The following FAF1 variants were observed in gnomAD, a reference collection of about 807,000 sequenced individuals.
FAF1 encodes Fas associated factor 1.
A neutral mutation model predicts 92.5 loss-of-function variants in FAF1; 25 were observed. The ratio of observed to expected loss-of-function variants is 0.27; its 90% CI spans 0.20 to 0.38. The LOEUF (loss-of-function observed/expected upper bound fraction) is 0.38. Ranked by LOEUF, FAF1 falls within the 10% of genes least tolerant of loss-of-function variation. The pLI is 1.00. For synonymous variants in FAF1, 234 were observed against 273.2 expected (o/e 0.86, Z 1.42); for missense variants, 636 against 793.3 (o/e 0.80, Z 2.38).
intron 18 of FAF1, among the ~76,000 whole-genome samples, chr1:50,474,202 A>G (rs949816924): frequency 6.6e-6 from 1 of 152,108 alleles, no homozygotes; most frequent in Non-Finnish European, 1.5e-5. Context: ...AAAAAATCAG[A>G]TCCCTCTTTT....
At position 50,649,281 on chromosome 1, in the gene FAF1, T is replaced by C. The variant is rs1464820436; in HGVS notation, c.744+6161A>G. On this transcript the variant is annotated intron_variant, in intron 8 of 18. Transcript: ENST00000396153. Reference sequence around the variant, plus strand: ...AATTCTCTTGCCTCAGCCTCACAAGTAGCTGGGATTACAGGCATGCGCCAC... The same window carrying C: ...AATTCTCTTGCCTCAGCCTCACAAGCAGCTGGGATTACAGGCATGCGCCAC... Among the ~76,000 whole-genome samples the C allele has an allele frequency of 4.6e-5, 7 of 152,054 alleles. No individual in the cohort carries two copies. The East Asian group carries it at 1.4e-3, about 30-fold the overall frequency.
Position 50,565,963 on chromosome 1 carries a change from C to T in FAF1, c.1268+1114G>A, listed in dbSNP as rs1415381386. Among the ~76,000 whole-genome samples the T allele has an allele frequency of 2.6e-5, 4 of 152,074 alleles. No homozygotes were observed. The East Asian group carries it at 7.7e-4, about 29-fold the overall frequency. On this transcript the variant is annotated intron_variant, in intron 13 of 18. Coordinates refer to ENST00000396153, the MANE Select transcript of FAF1 (RefSeq NM_007051.3). ...TTTATCTGTTTTTGGCACTGCTTTT[C>T]ATCACCTTTAACTGAGTGTGAATAA... is the stretch of plus-strand genomic sequence containing the variant.
At chr1:50,543,830 C>G (rs185887812) in intron 13 of FAF1, among the ~76,000 whole-genome samples, 2 of 151,956 alleles carry the variant, frequency 1.3e-5, no homozygotes, top group African/African-American at 4.8e-5. Flanking sequence ...ATTATAGATG[C>G]TGCATTTGTA....
chr1:50,535,848 TC>T (rs750109589), intron 14 of FAF1, among the ~76,000 whole-genome samples: 1 of 152,200 alleles, frequency 6.6e-6, no homozygotes, highest in Admixed American at 6.5e-5. Flanking sequence ...TTTTATACCA[TC>T]TCATTTAATC....
intron 1 of FAF1, among the ~76,000 whole-genome samples, chr1:50,876,511 A>G (rs1324982728): frequency 6.6e-6 from 1 of 152,220 alleles, no homozygotes; most frequent in Non-Finnish European, 1.5e-5. Context: ...AATGATGGGG[A>G]TACGACAAAC....
At chr1:50,602,190 C>CA (rs1416409456) in intron 8 of FAF1, among the ~76,000 whole-genome samples, 2 of 152,180 alleles carry the variant, frequency 1.3e-5, no homozygotes, top group African/African-American at 4.8e-5. Flanking sequence ...TTTATTCACT[C>CA]AGTTTGTAAA....
At chr1:50,739,353 T>C (rs1010027027) in intron 5 of FAF1, among the ~76,000 whole-genome samples, 2 of 151,986 alleles carry the variant, frequency 1.3e-5, no homozygotes, top group Middle Eastern at 3.2e-3. Flanking sequence ...CATATACATG[T>C]GTACATGTGT....
intron 15 of FAF1, among the ~76,000 whole-genome samples, chr1:50,517,075 T>G (rs1460356835): frequency 2.0e-5 from 3 of 152,182 alleles, no homozygotes; most frequent in Admixed American, 6.5e-5. Flanking sequence ...TACATTCATG[T>G]GCATGTAAGA....
At chr1:50,761,269 A>T (rs1263979044) in intron 4 of FAF1, among the ~76,000 whole-genome samples, 2 of 152,204 alleles carry the variant, frequency 1.3e-5, no homozygotes, top group Non-Finnish European at 2.9e-5. Context: ...ATAAGGAGGA[A>T]CTGGTACCAT....
intron 3 of FAF1, among the ~76,000 whole-genome samples, chr1:50,796,769 T>G (rs1354734969): frequency 6.6e-6 from 1 of 152,146 alleles, no homozygotes; most frequent in Non-Finnish European, 1.5e-5. Flanking sequence ...CAGTATCCCT[T>G]TTCTGATCTT....
intron 1 of FAF1, among the ~76,000 whole-genome samples, chr1:50,891,905 G>C (rs925448116): frequency 2.0e-5 from 3 of 152,202 alleles, no homozygotes; most frequent in African/African-American, 7.2e-5. Flanking sequence ...GGACATTTAA[G>C]TCTGCAGAGG....
chr1:50,579,938 T>C (rs1650917113), intron 12 of FAF1, among the ~76,000 whole-genome samples: 1 of 152,208 alleles, frequency 6.6e-6, no homozygotes, highest in Non-Finnish European at 1.5e-5. Context: ...TAGAGAATTA[T>C]CGTTAATTTT....
intron 18 of FAF1, among the ~76,000 whole-genome samples, chr1:50,445,716 G>T (rs1646220090): frequency 6.6e-6 from 1 of 152,132 alleles, no homozygotes; most frequent in Non-Finnish European, 1.5e-5. Context: ...GGGACTCCTT[G>T]GGGGAGAAGG....
chr1:50,597,087 G>A (rs1001505409), intron 8 of FAF1, among the ~76,000 whole-genome samples: 3 of 152,108 alleles, frequency 2.0e-5, no homozygotes, highest in East Asian at 1.9e-4. Flanking sequence ...TCTCCACAGC[G>A]TAGGGATAAT....
At chr1:50,827,726 T>C (rs1644115061) in intron 2 of FAF1, among the ~76,000 whole-genome samples, 1 of 152,106 alleles carries the variant, frequency 6.6e-6, no homozygotes, top group Non-Finnish European at 1.5e-5. Context: ...AAAGAATACC[T>C]AAATACGTAA....
chr1:50,548,630 A>C (rs918694967), intron 13 of FAF1, among the ~76,000 whole-genome samples: 9 of 152,240 alleles, frequency 5.9e-5, no homozygotes, highest in Admixed American at 1.3e-4. Flanking sequence ...TTGAACCCTC[A>C]AAATAAGCAG....
At chr1:50,650,248 C>A (rs957280164) in intron 8 of FAF1, among the ~76,000 whole-genome samples, 1 of 144,180 alleles carries the variant, frequency 6.9e-6, no homozygotes, top group South Asian at 2.2e-4. Flanking sequence ...CACACCATTG[C>A]ACTCCAGCCT....
At chr1:50,508,378 T>A (rs143795599) in intron 15 of FAF1, among the ~76,000 whole-genome samples, 19 of 152,316 alleles carry the variant, frequency 1.2e-4, no homozygotes, top group Non-Finnish European at 2.2e-4. Flanking sequence ...ATGTGGTATA[T>A]CCATACAATG....
intron 2 of FAF1, among the ~76,000 whole-genome samples, chr1:50,843,056 C>T (rs185238256): frequency 8.9e-4 from 136 of 152,218 alleles, no homozygotes; most frequent in Middle Eastern, 3.4e-3. Flanking sequence ...GAATTATTTA[C>T]TAGCTTTATA....
Sources: gnomAD v4.1 joint callset for allele counts (sites outside exome capture counted in the v4.1 genomes callset) on GRCh38, gnomAD v4.1.1 for gene constraint, MANE v1.5 for transcripts, NCBI Gene and HGNC (gene_info 2026-07-23, HGNC 2026-07-21) for gene names.